The following LRP1B variants were observed in gnomAD, a reference collection of about 807,000 sequenced individuals.
LRP1B encodes LDL receptor related protein 1B, also known as low-density lipoprotein receptor-related protein 1B.
A neutral mutation model predicts 556.6 loss-of-function variants in LRP1B; 217 were observed. That is an observed-to-expected ratio of 0.39 (90% CI 0.35 to 0.44). LRP1B has a LOEUF of 0.44. LRP1B is among the 20% of genes least tolerant of loss of function. LRP1B has a pLI of 1.00. For synonymous variants in LRP1B, 2,047 were observed against 1,865.8 expected, an observed-to-expected ratio of 1.10 and a Z score of -2.50; for missense variants, 5,053 against 5,620.8, an observed-to-expected ratio of 0.90 and a Z score of 3.23.
intron 18 of LRP1B, among the ~76,000 whole-genome samples, chr2:140,980,592 C>A (rs1279525223): frequency 2.6e-5 from 4 of 152,086 alleles, no homozygotes; most frequent in African/African-American, 9.7e-5. Flanking sequence ...TTTACAGGGA[C>A]ATAATAGTCT....
intron 43 of LRP1B, among the ~76,000 whole-genome samples, chr2:140,584,787 A>G (rs1360144753): frequency 1.3e-5 from 2 of 152,144 alleles, no homozygotes; most frequent in East Asian, 3.9e-4. Flanking sequence ...TATTAAGCCT[A>G]CTGCAATATC....
intron 41 of LRP1B, among the ~76,000 whole-genome samples, chr2:140,645,500 C>G (rs549633804): frequency 6.8e-5 from 10 of 147,962 alleles, no homozygotes; most frequent in Admixed American, 2.0e-4. Flanking sequence ...TTCTATATTC[C>G]TCATATCTCT....
intron 1 of LRP1B, among the ~76,000 whole-genome samples, chr2:142,050,286 C>T (rs1428274062): frequency 2.0e-5 from 3 of 151,992 alleles, no homozygotes; most frequent in East Asian, 3.9e-4. Flanking sequence ...TTTCAAGTAA[C>T]AAAATAAATC....
At chr2:141,143,913 GC>G (rs1163879614) in intron 7 of LRP1B, among the ~76,000 whole-genome samples, 1 of 151,458 alleles carries the variant, frequency 6.6e-6, no homozygotes, top group Non-Finnish European at 1.5e-5. Flanking sequence ...GTTAGTAATT[GC>G]AGGAGTCTAA....
chr2:140,769,384 C>A (rs1689227239), intron 34 of LRP1B, 40 bp from the exon 35 acceptor site: 1 of 1,524,308 alleles, frequency 6.6e-7, no homozygotes, highest in Admixed American at 2.1e-5. Context: ...AAGGGAAGCC[C>A]AGAATGAATA....
chr2:140,866,683 A>G (rs1295435064), intron 27 of LRP1B, among the ~76,000 whole-genome samples: 1 of 152,182 alleles, frequency 6.6e-6, no homozygotes, highest in African/African-American at 2.4e-5. Context: ...TTGGTAGAAT[A>G]AATAGTATCA....
chr2:141,035,577 G>A (rs889352070), intron 11 of LRP1B, among the ~76,000 whole-genome samples: 1 of 151,178 alleles, frequency 6.6e-6, no homozygotes, highest in Non-Finnish European at 1.5e-5. Context: ...TGATATTTTT[G>A]TAGATAAATA....
intron 35 of LRP1B, among the ~76,000 whole-genome samples, chr2:140,731,662 G>A (rs1215118247): frequency 6.6e-6 from 1 of 150,542 alleles, no homozygotes; most frequent in Non-Finnish European, 1.5e-5. Context: ...CAGCTACTCA[G>A]GAGACTGAGG....
At chr2:141,645,202 C>G (rs1445550458) in intron 2 of LRP1B, among the ~76,000 whole-genome samples, 1 of 152,000 alleles carries the variant, frequency 6.6e-6, no homozygotes, top group Admixed American at 6.6e-5. Flanking sequence ...TCTTGGAAGA[C>G]AATAAGATTA....
intron 84 of LRP1B, among the ~76,000 whole-genome samples, chr2:140,281,214 T>TA (rs1682899503): frequency 6.6e-6 from 1 of 151,968 alleles, no homozygotes; most frequent in African/African-American, 2.4e-5. Flanking sequence ...TAAAAATATG[T>TA]GCGTGTATGT....
intron 48 of LRP1B, 35 bp downstream of exon 48, chr2:140,526,202 A>G (rs1240748574): frequency 6.3e-7 from 1 of 1,586,486 alleles, no homozygotes; most frequent in South Asian, 1.1e-5. Context: ...AAAGTGCCCA[A>G]GCATAAACAG....
chr2:140,503,653 T>G (rs185844245), intron 53 of LRP1B, among the ~76,000 whole-genome samples: 96 of 152,236 alleles, frequency 6.3e-4, no homozygotes, highest in African/African-American at 2.2e-3. Context: ...TTAGAGTCAC[T>G]AAAAACTTTA....
At chr2:140,742,186 G>A (rs944231851) in intron 35 of LRP1B, among the ~76,000 whole-genome samples, 2 of 152,128 alleles carry the variant, frequency 1.3e-5, no homozygotes, top group African/African-American at 4.8e-5. Context: ...AGGTCTTCTC[G>A]TATTTGTCAT....
rs546558230 is a variant in LRP1B at position 141,757,133 on chromosome 2, T to C, written c.205+53146A>G. ...TGTAAGTTATGTCACATAACCTTCA[T>C]ACTCATTAAATGATAGATGAAAAGC... is the stretch of plus-strand genomic sequence containing the variant. On this transcript the variant is annotated intron_variant, in intron 2 of 90. Coordinates refer to ENST00000389484, the MANE Select transcript of LRP1B (RefSeq NM_018557.3). Among the ~76,000 whole-genome samples, 61 of 152,312 alleles carry C rather than the reference T, an allele frequency of 4.0e-4. No homozygotes were observed. In the East Asian group the frequency reaches 0.011, roughly 28 times the overall value.
At chr2:140,678,320 T>A (rs986187435) in intron 41 of LRP1B, among the ~76,000 whole-genome samples, 1 of 152,190 alleles carries the variant, frequency 6.6e-6, no homozygotes, top group Non-Finnish European at 1.5e-5. Flanking sequence ...TCATAAAATA[T>A]CTTTCCTTTG....
chr2:141,456,122 G>A (rs919290741), intron 3 of LRP1B, among the ~76,000 whole-genome samples: 1 of 152,220 alleles, frequency 6.6e-6, no homozygotes, highest in Admixed American at 6.5e-5. Flanking sequence ...GCTGTCAGAG[G>A]ACAAACTGGC....
At chr2:142,028,259 T>C (rs1282723785) in intron 1 of LRP1B, among the ~76,000 whole-genome samples, 2 of 152,010 alleles carry the variant, frequency 1.3e-5, no homozygotes, top group Non-Finnish European at 2.9e-5. Flanking sequence ...TGCACAGAGT[T>C]GTGTTACTAT....
At chr2:141,639,349 T>TATATACAC (rs1262198983) in intron 2 of LRP1B, among the ~76,000 whole-genome samples, 31 of 56,080 alleles carry the variant, frequency 5.5e-4, no homozygotes, top group East Asian at 1.7e-3. Context: ...TATATATATA[T>TATATACAC]ACACACACAC....
chr2:141,588,888 G>A (rs1180879516), intron 2 of LRP1B, among the ~76,000 whole-genome samples: 1 of 152,086 alleles, frequency 6.6e-6, no homozygotes, highest in Non-Finnish European at 1.5e-5. Context: ...GGATAAACAG[G>A]GGTCAAGACA....
Sources: allele counts gnomAD v4.1 joint callset (sites outside exome capture counted in the v4.1 genomes callset), GRCh38; gene constraint gnomAD v4.1.1; transcripts MANE v1.5; gene names NCBI Gene and HGNC (gene_info 2026-07-23, HGNC 2026-07-21).